Variants in SPDYA observed in about 807,000 individuals in gnomAD.
SPDYA encodes speedy protein A.
A neutral mutation model predicts 36.7 loss-of-function variants in SPDYA; 11 were observed. The ratio of observed to expected loss-of-function variants is 0.30; its 90% CI spans 0.19 to 0.50. SPDYA has a LOEUF of 0.50. Among genes scored for constraint, SPDYA ranks in the 20% least tolerant of loss-of-function variants. The pLI is 0.98. For synonymous variants in SPDYA, 115 were observed against 118.7 expected, an observed-to-expected ratio of 0.97 and a Z score of 0.20; for missense variants, 287 against 370.9, an observed-to-expected ratio of 0.77 and a Z score of 1.86.
At chr2:28,830,010 G>A (rs1316700612) in intron 6 of SPDYA, among the ~76,000 whole-genome samples, 1 of 149,088 alleles carries the variant, frequency 6.7e-6, no homozygotes, top group Non-Finnish European at 1.5e-5. Flanking sequence ...GTGGTGGCTG[G>A]TGCCTGTAAT....
chr2:28,819,255 T>A (rs921565671), intron 4 of SPDYA, 149 bp downstream of exon 4: 1 of 540,010 alleles, frequency 1.9e-6, no homozygotes, highest in African/African-American at 2.0e-5. Context: ...ACACCTGTAA[T>A]CCCAAAACTT....
intron 4 of SPDYA, 136 bp downstream of exon 4, chr2:28,819,242 C>A: frequency 1.7e-6 from 1 of 601,576 alleles, no homozygotes; most frequent in Non-Finnish European, 2.7e-6. Context: ...GGTGCAGTGG[C>A]TCACACCTGT....
intron 5 of SPDYA, among the ~76,000 whole-genome samples, chr2:28,825,997 T>G (rs2148087102): frequency 6.6e-6 from 1 of 152,200 alleles, no homozygotes; most frequent in Non-Finnish European, 1.5e-5. Flanking sequence ...CTTCCCAAAG[T>G]GCTGGAATTA....
At chr2:28,840,732 A>C in intron 7 of SPDYA, 1 of 1,152,658 alleles carries the variant, frequency 8.7e-7, no homozygotes, top group Non-Finnish European at 1.1e-6. Context: ...AAGAGCCTGA[A>C]TCATTTTTTT....
At position 28,816,198 on chromosome 2, in the gene SPDYA, C is replaced by A. The variant is rs1351984698; in HGVS notation, c.184C>A (p.Pro62Thr). Residue 62 changes from proline to threonine, a missense_variant, in exon 3 of 8, where the codon CCT (proline) becomes ACT (threonine). Pro to Thr is a conservative substitution (Grantham distance 38). Coordinates refer to ENST00000334056, the MANE Select transcript of SPDYA (RefSeq NM_182756.4). ...NNNKSKRPKG[P>T]CLVIQRQDMT... ...CAACAAATCTAAACGCCCCAAAGGA[C>A]CTTGTCTGGTTATACAGCGTCAGGA... The A allele has an allele frequency of 6.2e-7, 1 of 1,613,736 alleles. No homozygotes were observed. The highest frequency in any genetic ancestry group is 8.5e-7 in the Non-Finnish European group (1 of 1,179,904).
intron 3 of SPDYA, among the ~76,000 whole-genome samples, chr2:28,818,625 T>C (rs1668054346): frequency 6.6e-6 from 1 of 152,190 alleles, no homozygotes; most frequent in Non-Finnish European, 1.5e-5. Context: ...TGTTGATCTT[T>C]TTATCCTAAT....
At chr2:28,823,143 CAT>C (rs1335017965) in intron 5 of SPDYA, among the ~76,000 whole-genome samples, 1 of 152,106 alleles carries the variant, frequency 6.6e-6, no homozygotes, top group African/African-American at 2.4e-5. Context: ...ATATCTATAA[CAT>C]AGTCATTATT....
In SPDYA at chr2:28,816,089, A is replaced by T. The variant is rs183007022; in HGVS notation, c.75A>T (p.Ser25=). 10 of 1,614,074 alleles carry T rather than the reference A, an allele frequency of 6.2e-6. No homozygotes were observed. The East Asian group carries it at 2.2e-4, about 36-fold the overall frequency. ...ATGTAAAATCAGGGTCAAATAGATC[A>T]CATCAGCCTAAAAAGCCCATTACTC... ...TVYVKSGSNR[S]HQPKKPITLK... Residue 25 remains serine, a synonymous_variant, in exon 3 of 8, where the codon TCA becomes TCT. Coordinates refer to ENST00000334056, the MANE Select transcript of SPDYA (RefSeq NM_182756.4).
rs1315515879 is a variant in SPDYA at position 28,850,596 on chromosome 2, G to C, written c.*655G>C. On this transcript the variant is annotated 3_prime_UTR_variant, in exon 8 of 8. Transcript: ENST00000334056. ...GTCAATGATTATGTAATAAACATAT[G>C]ATTTTATAACCAAATGGATAAGCCT... 1 of 521,432 alleles carries C rather than the reference G, an allele frequency of 1.9e-6. No homozygotes were observed. Among genetic ancestry groups the C allele is most frequent in the Non-Finnish European group, 3.4e-6 (1 of 296,722 alleles). 32.3% of individuals were successfully genotyped at this position (521,432 alleles called of 1,614,324 possible).
rs770001229 is a variant in SPDYA at position 28,849,932 on chromosome 2, T to A, written c.933T>A (p.Ser311Arg). ...AATCTATGGAGTGGTTTACAGGAAG[T>A]GAAGAATGAGATGGCCCAACTAAAC... is the stretch of plus-strand genomic sequence containing the variant. ...KDKSMEWFTG[S>R]EE Residue 311 changes from serine to arginine, a missense_variant, in exon 8 of 8, where the codon AGT (serine) becomes AGA (arginine). Transcript: ENST00000334056. 6.3e-7 allele frequency: 1 copy of A among 1,589,266 alleles called. No homozygotes were observed.
intron 1 of SPDYA, among the ~76,000 whole-genome samples, chr2:28,813,399 T>G (rs1379499457): frequency 6.6e-6 from 1 of 151,666 alleles, no homozygotes; most frequent in African/African-American, 2.4e-5. Flanking sequence ...TTCTGGAATA[T>G]GTGCCACAGT....
intron 6 of SPDYA, among the ~76,000 whole-genome samples, 154 bp from the exon 7 acceptor site, chr2:28,840,018 T>C (rs1427857297): frequency 2.0e-5 from 3 of 152,204 alleles, no homozygotes; most frequent in African/African-American, 4.8e-5. Flanking sequence ...TTTAGTAATA[T>C]TGCCTTATCT....
chr2:28,850,510 T>C lies in SPDYA; in HGVS notation c.*569T>C, dbSNP rs962467847. 2.7e-6 allele frequency: 2 copies of C among 744,564 alleles called. No individual in the cohort carries two copies. The highest frequency in any genetic ancestry group is 4.3e-6 in the Non-Finnish European group (2 of 465,158). 46.1% of individuals were successfully genotyped at this position (744,564 alleles called of 1,614,324 possible). A position where few individuals can be genotyped will look rare whatever the true frequency, so the allele number is the denominator to read the frequency against. On this transcript the variant is annotated 3_prime_UTR_variant, in exon 8 of 8. Coordinates refer to ENST00000334056, the MANE Select transcript of SPDYA (RefSeq NM_182756.4). ...ACTCTCTTTATTGTAAGTTTTTTCT[T>C]TATTTATTTCCTTGCATATGTTTTA...
intron 4 of SPDYA, among the ~76,000 whole-genome samples, chr2:28,819,900 A>T (rs1302564913): frequency 2.0e-5 from 2 of 100,986 alleles, no homozygotes; most frequent in Non-Finnish European, 3.6e-5. Context: ...ATATATATAT[A>T]TATTTTATCC....
chr2:28,838,916 T>A (rs1025927892), intron 6 of SPDYA, among the ~76,000 whole-genome samples: 15 of 152,262 alleles, frequency 9.9e-5, no homozygotes, highest in Admixed American at 9.8e-4. Context: ...TTAATAAGGC[T>A]CTGTCCAGCT....
intron 7 of SPDYA, chr2:28,840,734 C>T: frequency 8.7e-7 from 1 of 1,143,872 alleles, no homozygotes; most frequent in Non-Finnish European, 1.1e-6. Context: ...GAGCCTGAAT[C>T]ATTTTTTTGA....
intron 1 of SPDYA, among the ~76,000 whole-genome samples, chr2:28,812,610 G>A (rs1192141722): frequency 2.0e-5 from 3 of 151,732 alleles, no homozygotes; most frequent in Admixed American, 6.6e-5. Flanking sequence ...TAATCCCAGC[G>A]CTTTGGGAGG....
At chr2:28,825,123 G>A (rs1434386672) in intron 5 of SPDYA, among the ~76,000 whole-genome samples, 14 of 152,080 alleles carry the variant, frequency 9.2e-5, no homozygotes, top group Admixed American at 9.2e-4. Context: ...CAAAGCAGGG[G>A]CACAAACTCA....
chr2:28,831,793 T>C (rs372269899), intron 6 of SPDYA, among the ~76,000 whole-genome samples: 1 of 152,178 alleles, frequency 6.6e-6, no homozygotes. Context: ...TCACATCTTA[T>C]CGTCTATCCT....
Sources: gnomAD v4.1 joint callset for allele counts (sites outside exome capture counted in the v4.1 genomes callset) on GRCh38, gnomAD v4.1.1 for gene constraint, MANE v1.5 for transcripts, NCBI Gene and HGNC (gene_info 2026-07-23, HGNC 2026-07-21) for gene names.